The following ADH1B variants were observed in gnomAD, a reference collection of about 807,000 sequenced individuals.
ADH1B encodes the protein all-trans-retinol dehydrogenase [NAD(+)] ADH1B.
Under a neutral mutation model 34.6 loss-of-function variants are expected in ADH1B, and 29 were observed. The observed-to-expected ratio is 0.84, with a 90% confidence interval of 0.62 to 1.14. The LOEUF is 1.14. Among genes scored for constraint, ADH1B ranks in the 50% most tolerant of loss-of-function variants. The probability of loss-of-function intolerance (pLI) is 0.00; values close to 1 mark genes in which losing one functional copy is unlikely to be tolerated. For missense variants in ADH1B, 424 were observed against 468.4 expected (o/e 0.91, Z 0.87); for synonymous variants, 170 against 175.5 (o/e 0.97, Z 0.25).
At chr4:99,314,318 C>T (rs1733826210) in intron 5 of ADH1B, 1 of 652,846 alleles carries the variant, frequency 1.5e-6, no homozygotes, top group Non-Finnish European at 2.5e-6. Context: ...TACAAAATAT[C>T]CCACAGTCCA....
rs76345799 is a variant in ADH1B, at chr4:99,307,877, A to G, written c.1104-13T>C. On this transcript the variant is annotated splice_polypyrimidine_tract_variant and intron_variant, in intron 8 of 8. Coordinates refer to ENST00000305046, the MANE Select transcript of ADH1B (RefSeq NM_000668.6). ...GACGGTACGGATACTGCAATAGGAA[A>G]GAAGAGACATTGTGTTAACATTTAG... 3.4e-3 allele frequency: 5,530 copies of G among 1,613,874 alleles called. 18 individuals carry two copies. The highest frequency in any genetic ancestry group is 4.2e-3 in the Non-Finnish European group (4,927 of 1,179,790).
rs1322904823 is a variant in ADH1B at position 99,306,829 on chromosome 4, A to C, written c.*1011T>G. ...CTAGATTGAAAACAATTTTGCAAAA[A>C]TATACATTTGTATATGTGTATATAT... On this transcript the variant is annotated 3_prime_UTR_variant, in exon 9 of 9. Transcript: ENST00000305046. 6.6e-6 allele frequency: 1 copy of C among 152,220 alleles called. No individual in the cohort carries two copies. The highest frequency in any genetic ancestry group is 1.5e-5 in the Non-Finnish European group (1 of 68,046). The allele number at this position is 152,220 out of a possible 1,614,324, so 9.4% of individuals were successfully genotyped here.
rs1383879642 is a variant in ADH1B, at chr4:99,305,561, G to GTGTGTGTATA, written c.*2278_*2279insTATACACACA. The GTGTGTGTATA allele has an allele frequency of 6.1e-5, 3 of 49,374 alleles. 1 individual carries two copies. The highest frequency in any genetic ancestry group is 2.8e-4 in the African/African-American group (3 of 10,814). 3.1% of individuals were successfully genotyped at this position (49,374 alleles called of 1,614,324 possible). The stretch of plus-strand genomic sequence containing the variant: ...CTATATGAACCACTTGCCCCATAGT[G>GTGTGTGTATA]TATATATATATATATATATATATAT... On this transcript the variant is annotated 3_prime_UTR_variant, in exon 9 of 9. Coordinates refer to ENST00000305046, the MANE Select transcript of ADH1B (RefSeq NM_000668.6).
At chr4:99,316,438 G>A in intron 3 of ADH1B, 136 bp from the exon 4 acceptor site, 5 of 924,434 alleles carry the variant, frequency 5.4e-6, no homozygotes, top group East Asian at 5.3e-5. Flanking sequence ...TAATAACTAT[G>A]TCATCTTTCA....
rs1182162110 is a variant in ADH1B, at chr4:99,318,829, C to G, written c.76G>C (p.Asp26His). 1.9e-6 allele frequency: 3 copies of G among 1,613,926 alleles called. No individual in the cohort carries two copies. In the Admixed American group the frequency reaches 5.0e-5, roughly 27 times the overall value. The change falls in exon 2 of 9, where the codon GAT (aspartate) becomes CAT (histidine). Residue 26 changes from aspartate (D) to histidine (H), a missense_variant. Transcript: ENST00000305046. Reference protein sequence around the residue: ...WEVKKPFSIEDVEVAPPKAYE... With the variant: ...WEVKKPFSIEHVEVAPPKAYE... ...GCCTTAGGAGGTGCAACCTCCACATCCTCAATGGAAAAGGGTTTCTTTACC... is the reference window on the plus strand; with the variant it reads ...GCCTTAGGAGGTGCAACCTCCACATGCTCAATGGAAAAGGGTTTCTTTACC...
intron 8 of ADH1B, among the ~76,000 whole-genome samples, chr4:99,308,235 C>A (rs1217516816): frequency 6.6e-6 from 1 of 151,784 alleles, no homozygotes; most frequent in Non-Finnish European, 1.5e-5. Context: ...TTGTCACATT[C>A]TTCGTGCATT....
At chr4:99,320,781 G>A (rs1389519936) in intron 1 of ADH1B, 4 of 1,130,324 alleles carry the variant, frequency 3.5e-6, no homozygotes, top group Non-Finnish European at 4.4e-6. Context: ...GCATGTTGAT[G>A]TCTTGCTTAA....
chr4:99,318,679 T>G (rs1480208275), intron 2 of ADH1B, 106 bp downstream of exon 2: 18 of 1,030,522 alleles, frequency 1.7e-5, no homozygotes, highest in African/African-American at 3.3e-5. Context: ...ATCTTCTGGG[T>G]GATCATATAA....
At chr4:99,318,020 G>A (rs746775591) in intron 3 of ADH1B, 26 bp downstream of exon 3, 3 of 1,612,704 alleles carry the variant, frequency 1.9e-6, no homozygotes, top group African/African-American at 1.3e-5. Context: ...TGAACCACAC[G>A]TGTTCCCTGA....
At chr4:99,316,778 T>C (rs2110636767) in intron 3 of ADH1B, 1 of 152,332 alleles carries the variant, frequency 6.6e-6, no homozygotes, top group South Asian at 2.1e-4. Flanking sequence ...TTTAACCAAT[T>C]CTTGACTTTT....
chr4:99,309,450 T>C (rs897854231), intron 8 of ADH1B, among the ~76,000 whole-genome samples: 25 of 152,316 alleles, frequency 1.6e-4, no homozygotes, highest in Admixed American at 1.4e-3. Context: ...TATTACTATA[T>C]GACATTCTCA....
At chr4:99,311,726 C>A (rs1733759792) in intron 6 of ADH1B, 70 bp from the exon 7 acceptor site, 3 of 1,574,928 alleles carry the variant, frequency 1.9e-6, no homozygotes, top group African/African-American at 1.3e-5. Flanking sequence ...TGCACAATAT[C>A]ATGTAATAGG....
chr4:99,307,309 T>C lies in ADH1B; in HGVS notation c.*531A>G, dbSNP rs1042026. 38,531 of 155,136 alleles carry C rather than the reference T, an allele frequency of 0.25. 6,284 individuals are homozygous for C. Among genetic ancestry groups the C allele is most frequent in the East Asian group, 0.8 (4,156 of 5,194 alleles). 9.6% of individuals were successfully genotyped at this position (155,136 alleles called of 1,614,324 possible). ...AGAAATTTCCTGTATTTAGAACTCTTGGACCTTCACTACTTGTAAATGTGA... is the reference window on the plus strand; with the variant it reads ...AGAAATTTCCTGTATTTAGAACTCTCGGACCTTCACTACTTGTAAATGTGA... On this transcript the variant is annotated 3_prime_UTR_variant, in exon 9 of 9. Transcript: ENST00000305046.
At chr4:99,318,303 C>T (rs1236420140) in intron 2 of ADH1B, 119 bp from the exon 3 acceptor site, 2 of 1,298,880 alleles carry the variant, frequency 1.5e-6, no homozygotes, top group African/African-American at 3.0e-5. Flanking sequence ...CTACTAATCC[C>T]TACTATTCCT....
At chr4:99,309,437 G>A (rs1217933630) in intron 8 of ADH1B, among the ~76,000 whole-genome samples, 2 of 151,938 alleles carry the variant, frequency 1.3e-5, no homozygotes, top group Non-Finnish European at 2.9e-5. Flanking sequence ...ATTTACATAT[G>A]CATATTACTA....
intron 2 of ADH1B, chr4:99,318,523 CTT>C (rs1733944341): frequency 3.9e-6 from 2 of 512,362 alleles, no homozygotes; most frequent in African/African-American, 4.0e-5. Context: ...ATTTTGAAGT[CTT>C]GATATATATC....
chr4:99,320,675 C>T, intron 1 of ADH1B: 2 of 430,784 alleles, frequency 4.6e-6, no homozygotes, highest in Non-Finnish European at 6.4e-6. Flanking sequence ...TTCTGTAAAA[C>T]CATATTAACT....
At chr4:99,320,806 A>G (rs1734005216) in intron 1 of ADH1B, 1 of 1,196,376 alleles carries the variant, frequency 8.4e-7, no homozygotes. Context: ...GATGATTCTA[A>G]TGCTGTGAAA....
At chr4:99,318,529 A>G in intron 2 of ADH1B, 1 of 515,000 alleles carries the variant, frequency 1.9e-6, no homozygotes, top group Non-Finnish European at 3.3e-6. Context: ...AAGTCTTGAT[A>G]TATATCCTTT....
Sources: allele counts gnomAD v4.1 joint callset (sites outside exome capture counted in the v4.1 genomes callset), GRCh38; gene constraint gnomAD v4.1.1; transcripts MANE v1.5; gene names NCBI Gene and HGNC (gene_info 2026-07-23, HGNC 2026-07-21).